Variants in DRC11 observed in about 807,000 individuals in gnomAD.
DRC11 encodes dynein regulatory complex subunit 11.
At chr2:236,317,300 A>G in the DRC11 span, among the ~76,000 whole-genome samples, 2,800 of 134,492 alleles carry the variant, frequency 0.021, 103 homozygotes, top group East Asian at 0.15. This position sits in a 1 kb window ranked among gnomAD's most constrained non-coding sequence, Gnocchi z 5.4. Flanking sequence ...ATATCGGGGG[A>G]AAAAAAAAAA....
At chr2:236,416,768 T>TATTTTTATATATATATATATATATATAA in the DRC11 span, among the ~76,000 whole-genome samples, 1 of 92,962 alleles carries the variant, frequency 1.1e-5, no homozygotes, top group Non-Finnish European at 2.2e-5. Context: ...TATATATATA[T>TATTTTTATATATATATATATATATATAA]AAATAATTTT....
the DRC11 span, among the ~76,000 whole-genome samples, chr2:236,374,215 G>A: frequency 6.6e-6 from 1 of 152,110 alleles, no homozygotes; most frequent in East Asian, 1.9e-4. Flanking sequence ...AGTGTTGCCT[G>A]GGGGGTTTTG....
chr2:236,346,883 A>C, the DRC11 span: 1 of 163,220 alleles, frequency 6.1e-6, no homozygotes, highest in African/African-American at 2.4e-5. Context: ...AAGAGGCAAA[A>C]CGGTGGAATT....
chr2:236,473,718 TTA>T, the DRC11 span, among the ~76,000 whole-genome samples: 4,741 of 152,256 alleles, frequency 0.031, 228 homozygotes, highest in East Asian at 0.18. This position sits in a 1 kb window ranked among gnomAD's most constrained non-coding sequence, Gnocchi z 4.8. Flanking sequence ...ACATAAATTT[TTA>T]GAGTGCTATT....
the DRC11 span, among the ~76,000 whole-genome samples, chr2:236,415,823 G>A: frequency 6.6e-6 from 1 of 152,254 alleles, no homozygotes; most frequent in Non-Finnish European, 1.5e-5. The surrounding 1 kb of genome is among the most constrained non-coding windows in gnomAD (Gnocchi z 5.7). Context: ...CACTAACAGC[G>A]AATTTTTAAT....
chr2:236,408,815 T>G, the DRC11 span: 6 of 664,268 alleles, frequency 9.0e-6, no homozygotes, highest in Non-Finnish European at 2.8e-6. The surrounding 1 kb of genome is among the most constrained non-coding windows in gnomAD (Gnocchi z 5.5). Context: ...TAGCCCACAA[T>G]GCCCATAGCC....
At chr2:236,434,637 CT>C in the DRC11 span, among the ~76,000 whole-genome samples, 1 of 152,174 alleles carries the variant, frequency 6.6e-6, no homozygotes. The surrounding 1 kb of genome is among the most constrained non-coding windows in gnomAD (Gnocchi z 5.5). Flanking sequence ...CGTTCTGACT[CT>C]TCAATCATCT....
chr2:236,449,428 G>A, the DRC11 span, among the ~76,000 whole-genome samples: 3 of 152,208 alleles, frequency 2.0e-5, no homozygotes, highest in Non-Finnish European at 2.9e-5. The surrounding 1 kb of genome is among the most constrained non-coding windows in gnomAD (Gnocchi z 5.1). Flanking sequence ...TGTCCACGGG[G>A]TGTTTGCCTG....
At chr2:236,375,451 G>A in the DRC11 span, among the ~76,000 whole-genome samples, 2 of 152,100 alleles carry the variant, frequency 1.3e-5, no homozygotes, top group Admixed American at 6.5e-5. The surrounding 1 kb of genome is among the most constrained non-coding windows in gnomAD (Gnocchi z 4.2). Flanking sequence ...AATATTAACA[G>A]AATTAACAAA....
the DRC11 span, chr2:236,332,797 C>T: frequency 6.6e-6 from 1 of 152,230 alleles, no homozygotes; most frequent in African/African-American, 2.4e-5. This position sits in a 1 kb window ranked among gnomAD's most constrained non-coding sequence, Gnocchi z 5.1. Context: ...CTCCCACTGT[C>T]CTCTTTTGGG....
the DRC11 span, among the ~76,000 whole-genome samples, chr2:236,309,513 G>C: frequency 6.6e-6 from 1 of 152,028 alleles, no homozygotes; most frequent in Non-Finnish European, 1.5e-5. This position sits in a 1 kb window ranked among gnomAD's most constrained non-coding sequence, Gnocchi z 5.7. Context: ...AGGTGTGGAG[G>C]CCCCCCAGGC....
the DRC11 span, among the ~76,000 whole-genome samples, chr2:236,393,606 G>C: frequency 1.3e-5 from 2 of 152,220 alleles, no homozygotes; most frequent in African/African-American, 4.8e-5. The surrounding 1 kb of genome is among the most constrained non-coding windows in gnomAD (Gnocchi z 4.7). Flanking sequence ...AGGAGGGGTT[G>C]AGTCTCTGAA....
chr2:236,481,510 T>TTA, the DRC11 span, among the ~76,000 whole-genome samples: 1 of 152,176 alleles, frequency 6.6e-6, no homozygotes, highest in African/African-American at 2.4e-5. Flanking sequence ...TTATGGGACA[T>TTA]TGCTGGTGAT....
the DRC11 span, among the ~76,000 whole-genome samples, chr2:236,357,031 TTATA>T: frequency 4.3e-4 from 33 of 77,514 alleles, no homozygotes; most frequent in East Asian, 2.8e-3. Flanking sequence ...ATCTATATAT[TTATA>T]TATTCATATA....
At chr2:236,443,059 G>A in the DRC11 span, among the ~76,000 whole-genome samples, 1 of 152,172 alleles carries the variant, frequency 6.6e-6, no homozygotes, top group Non-Finnish European at 1.5e-5. This position sits in a 1 kb window ranked among gnomAD's most constrained non-coding sequence, Gnocchi z 4.4. Flanking sequence ...GGATTTATAA[G>A]CACTGCTGAT....
the DRC11 span, among the ~76,000 whole-genome samples, chr2:236,459,533 ACG>A: frequency 7.3e-3 from 661 of 91,042 alleles, 7 homozygotes; most frequent in African/African-American, 0.025. Context: ...ATACATGTAT[ACG>A]TATACGTATA....
At chr2:236,464,616 C>G in the DRC11 span, among the ~76,000 whole-genome samples, 1,188 of 152,214 alleles carry the variant, frequency 7.8e-3, 45 homozygotes, top group East Asian at 0.12. Context: ...ACGCCTGGAG[C>G]CTTGTCTCCA....
chr2:236,346,833 G>C, the DRC11 span: 8 of 167,234 alleles, frequency 4.8e-5, no homozygotes, highest in Non-Finnish European at 1.2e-4. Flanking sequence ...TTCCCAATAA[G>C]ATCTCAGGGG....
chr2:236,399,328 G>T, the DRC11 span: 1 of 1,061,994 alleles, frequency 9.4e-7, no homozygotes, highest in Non-Finnish European at 1.5e-6. This position sits in a 1 kb window ranked among gnomAD's most constrained non-coding sequence, Gnocchi z 7.0. Flanking sequence ...TGTCTCGGTT[G>T]TGAGTGGCAT....
Sources: gnomAD v4.1 joint callset for allele counts (sites outside exome capture counted in the v4.1 genomes callset) on GRCh38, gnomAD v4.1.1 for gene constraint, Gnocchi (gnomAD v3.1) non-coding constraint, MANE v1.5 for transcripts, NCBI Gene and HGNC (gene_info 2026-07-23, HGNC 2026-07-21) for gene names.